The following USP7 variants were observed in gnomAD, a reference collection of about 807,000 sequenced individuals.
USP7 encodes the protein ubiquitin C-terminal hydrolase 7.
Under a neutral mutation model 162.9 loss-of-function variants are expected in USP7, and 9 were observed. That is an observed-to-expected ratio of 0.06 (90% CI 0.03 to 0.10). The LOEUF is 0.10. Among genes scored for constraint, USP7 ranks in the 10% least tolerant of loss-of-function variants. The pLI, the probability that USP7 is intolerant of heterozygous loss-of-function variation, is 1.00. For missense variants in USP7, 715 were observed against 1,373.7 expected (o/e 0.52, Z 7.58); for synonymous variants, 562 against 475.9 (o/e 1.18, Z -2.35).
intron 3 of USP7, among the ~76,000 whole-genome samples, chr16:8,922,476 G>C (rs1200197681): frequency 6.6e-6 from 1 of 152,212 alleles, no homozygotes; most frequent in Non-Finnish European, 1.5e-5. Flanking sequence ...GACAGAGTGA[G>C]ACTCTGTAAA....
intron 1 of USP7, among the ~76,000 whole-genome samples, chr16:8,945,317 G>A (rs1899228614): frequency 6.6e-6 from 1 of 152,166 alleles, no homozygotes; most frequent in Non-Finnish European, 1.5e-5. Flanking sequence ...CTGGGAGGTG[G>A]AGGTTGCAGT....
In USP7 at chr16:8,892,702, T is replaced by C. The variant is rs1409292587; in HGVS notation, c.*1296A>G. ...CATCTCAGTGAAACCTTGTTACAAATGCCAAGGTTTCCCAGGCCTGTTTCC... is the reference window on the plus strand; with the variant it reads ...CATCTCAGTGAAACCTTGTTACAAACGCCAAGGTTTCCCAGGCCTGTTTCC... On this transcript the variant is annotated 3_prime_UTR_variant, in exon 31 of 31. Coordinates refer to ENST00000344836, the MANE Select transcript of USP7 (RefSeq NM_003470.3). 3 of 151,124 alleles carry C rather than the reference T, an allele frequency of 2.0e-5. No individual in the cohort carries two copies. The highest frequency in any genetic ancestry group is 4.4e-5 in the Non-Finnish European group (3 of 67,946). 9.4% of individuals were successfully genotyped at this position (151,124 alleles called of 1,614,324 possible). A position where few individuals can be genotyped will look rare whatever the true frequency, so the allele number is the denominator to read the frequency against.
chr16:8,958,815 ATT>A (rs1899903115), intron 1 of USP7, among the ~76,000 whole-genome samples: 2 of 152,224 alleles, frequency 1.3e-5, no homozygotes, highest in Admixed American at 1.3e-4. Flanking sequence ...ACAGTGAATC[ATT>A]CTCAAAATAT....
chr16:8,933,901 G>A (rs938586260), intron 1 of USP7, among the ~76,000 whole-genome samples: 7 of 151,880 alleles, frequency 4.6e-5, no homozygotes, highest in Non-Finnish European at 7.4e-5. Context: ...GATTACAGCC[G>A]TGTGCCACCA....
At chr16:8,898,255 T>TA (rs1768917210) in intron 25 of USP7, 105 bp downstream of exon 25, 1 of 975,528 alleles carries the variant, frequency 1.0e-6, no homozygotes, top group Non-Finnish European at 1.5e-6. Flanking sequence ...TGCTGTTGTT[T>TA]AGAGTGTTTT....
chr16:8,899,743 T>C lies in USP7; in HGVS notation c.2324A>G (p.Asn775Ser). 1 of 1,614,206 alleles carries C rather than the reference T, an allele frequency of 6.2e-7. No individual in the cohort carries two copies. Among genetic ancestry groups the C allele is most frequent in the East Asian group, 2.2e-5 (1 of 44,870 alleles). The change falls in exon 22 of 31, where the codon AAT becomes AGT. Residue 775 changes from asparagine to serine, a missense_variant. Coordinates refer to ENST00000344836, the MANE Select transcript of USP7 (RefSeq NM_003470.3). ...TGCGGTGGGTAATTCACTGTTATCA[T>C]TTTCAGGGTCATCCCTGGTGGAGGG... ...IIVFQKDDPE[N>S]DNSELPTAKE... is the part of the protein sequence containing the mutation.
At chr16:8,955,373 G>A (rs568518496) in intron 1 of USP7, among the ~76,000 whole-genome samples, 5 of 150,558 alleles carry the variant, frequency 3.3e-5, no homozygotes, top group African/African-American at 4.9e-5. Context: ...GCCTCCCAAA[G>A]TGCTGGGATT....
intron 6 of USP7, among the ~76,000 whole-genome samples, chr16:8,918,399 T>C (rs1405049906): frequency 6.6e-6 from 1 of 152,278 alleles, no homozygotes; most frequent in African/African-American, 2.4e-5. Flanking sequence ...AAAAGTAAGT[T>C]GCATTGACTT....
intron 1 of USP7, among the ~76,000 whole-genome samples, chr16:8,939,458 G>C (rs1371788249): frequency 6.6e-6 from 1 of 152,232 alleles, no homozygotes; most frequent in Admixed American, 6.5e-5. Context: ...TTTCCAGATA[G>C]AGGAAATTCA....
chr16:8,898,207 G>T (rs998623424), intron 25 of USP7, among the ~76,000 whole-genome samples, 153 bp downstream of exon 25: 5 of 152,154 alleles, frequency 3.3e-5, no homozygotes, highest in African/African-American at 1.2e-4. Context: ...CCAGGAGGCA[G>T]GAAAGACTGG....
rs965855309 is a variant in USP7, at chr16:8,958,976, T to C, written c.79+4231A>G. Among the ~76,000 whole-genome samples, 4 of 152,244 alleles carry C rather than the reference T, an allele frequency of 2.6e-5. No individual in the cohort carries two copies. The South Asian group carries it at 6.2e-4, about 24-fold the overall frequency. The stretch of plus-strand genomic sequence containing the variant: ...CTTTCTGCATAGCACCCATCTTCGA[T>C]GGCCCCACCTGTGGTGTGTGCCCCA... On this transcript the variant is annotated intron_variant, in intron 1 of 30. Transcript: ENST00000344836.
At chr16:8,915,554 A>AG in intron 8 of USP7, 29 bp from the exon 9 acceptor site, 1 of 1,603,706 alleles carries the variant, frequency 6.2e-7, no homozygotes. Flanking sequence ...GCTTTAAAAA[A>AG]ACTTTTTTGT....
intron 1 of USP7, among the ~76,000 whole-genome samples, chr16:8,937,968 T>C (rs938114623): frequency 1.3e-5 from 2 of 152,110 alleles, no homozygotes; most frequent in Non-Finnish European, 2.9e-5. Context: ...CATGAATCAG[T>C]AACTCCAATG....
chr16:8,895,598 G>T (rs887962644), intron 27 of USP7, 44 bp downstream of exon 27: 9 of 1,460,958 alleles, frequency 6.2e-6, no homozygotes, highest in Non-Finnish European at 8.6e-6. Context: ...AGCAGATGGG[G>T]CTCATGAATT....
chr16:8,919,532 GAC>G (rs1191974016), intron 5 of USP7, among the ~76,000 whole-genome samples: 1 of 151,986 alleles, frequency 6.6e-6, no homozygotes, highest in East Asian at 1.9e-4. Flanking sequence ...CTTTTCTGTA[GAC>G]ACACACACAA....
intron 30 of USP7, 88 bp from the exon 31 acceptor site, chr16:8,894,192 G>C: frequency 8.0e-7 from 1 of 1,254,680 alleles, no homozygotes; most frequent in African/African-American, 1.5e-5. Context: ...ATGCATCCCT[G>C]TGGCTCCCCA....
intron 21 of USP7, chr16:8,900,103 C>T (rs553201802): frequency 2.3e-5 from 9 of 387,862 alleles, no homozygotes; most frequent in Non-Finnish European, 3.7e-5. Context: ...AGTCTCTGAC[C>T]GTGAGTCAGG....
chr16:8,936,641 C>T, intron 1 of USP7: 1 of 1,556,650 alleles, frequency 6.4e-7, no homozygotes, highest in Non-Finnish European at 8.6e-7. Context: ...GTGGCCTCTG[C>T]TGGGGGATGG....
At chr16:8,909,498 C>T (rs895077840) in intron 11 of USP7, among the ~76,000 whole-genome samples, 2 of 152,218 alleles carry the variant, frequency 1.3e-5, no homozygotes, top group African/African-American at 4.8e-5. Flanking sequence ...TAAAAGGATT[C>T]TGTCTCCACC....
Sources: allele counts gnomAD v4.1 joint callset (sites outside exome capture counted in the v4.1 genomes callset), GRCh38; gene constraint gnomAD v4.1.1; transcripts MANE v1.5; gene names NCBI Gene and HGNC (gene_info 2026-07-23, HGNC 2026-07-21).